The following RIPOR3 variants were observed in gnomAD, a reference collection of about 807,000 sequenced individuals.
RIPOR3 encodes family with sequence similarity 65 member C.
Under a neutral mutation model 114.3 loss-of-function variants are expected in RIPOR3, and 95 were observed. That is an observed-to-expected ratio of 0.83 (90% CI 0.70 to 0.99). The LOEUF (loss-of-function observed/expected upper bound fraction) is 0.99, where lower values mean the gene tolerates loss of function less well. Among genes scored for constraint, RIPOR3 ranks in the 50% least tolerant of loss-of-function variants. RIPOR3 has a pLI of 0.00. For synonymous variants in RIPOR3, 575 were observed against 543.8 expected (o/e 1.06, Z -0.80); for missense variants, 1,252 against 1,266.9 (o/e 0.99, Z 0.18).
intron 3 of RIPOR3, among the ~76,000 whole-genome samples, chr20:50,618,050 G>A (rs574713431): frequency 6.6e-6 from 1 of 152,114 alleles, no homozygotes; most frequent in East Asian, 1.9e-4. Flanking sequence ...TGGATCACAA[G>A]GTCAGGAGTT....
intron 3 of RIPOR3, among the ~76,000 whole-genome samples, 197 bp downstream of exon 3, chr20:50,619,789 T>G (rs1373721007): frequency 1.3e-5 from 2 of 152,248 alleles, no homozygotes; most frequent in Admixed American, 6.5e-5. Flanking sequence ...CCTTAGTCAC[T>G]GCCAGGTTTC....
At position 50,602,205 on chromosome 20, in the gene RIPOR3, C is replaced by G; in HGVS notation, c.1526G>C (p.Arg509Thr). The change falls in exon 13 of 22, where the codon AGA (arginine) becomes ACA (threonine). Residue 509 changes from arginine to threonine, a missense_variant. Arg to Thr is a moderately conservative substitution (Grantham distance 71). Coordinates refer to ENST00000327979, the MANE Select transcript of RIPOR3 (RefSeq NM_001290268.2). The surrounding 1 kb of genome is among the most constrained non-coding windows in gnomAD (Gnocchi z 4.3). ...NGHEEGATGD[R>T]EDGPGVALEG... ...GAGGGCCACGCCAGGCCCGTCCTCT[C>G]TGTCCCCGGTTGCCCCTTCCTCGTG... The G allele has an allele frequency of 1.2e-6, 2 of 1,613,738 alleles. No individual in the cohort carries two copies. Among genetic ancestry groups the G allele is most frequent in the Non-Finnish European group, 1.7e-6 (2 of 1,179,934 alleles).
chr20:50,589,084 G>GAAAAAA (rs529410533), intron 20 of RIPOR3, among the ~76,000 whole-genome samples: 36 of 89,524 alleles, frequency 4.0e-4, no homozygotes, highest in African/African-American at 5.5e-4. Flanking sequence ...TCCATCTCAA[G>GAAAAAA]AAAAAAAAAA....
intron 1 of RIPOR3, among the ~76,000 whole-genome samples, chr20:50,658,620 G>C (rs1412526805): frequency 2.6e-5 from 4 of 152,018 alleles, no homozygotes; most frequent in Non-Finnish European, 5.9e-5. Flanking sequence ...TGGGAGGATT[G>C]ATTAGACTCA....
chr20:50,663,778 C>A (rs2086089465), intron 1 of RIPOR3, among the ~76,000 whole-genome samples: 1 of 152,202 alleles, frequency 6.6e-6, no homozygotes, highest in Non-Finnish European at 1.5e-5. Flanking sequence ...TTTGTCCCCC[C>A]ATCCAAGACA....
intron 11 of RIPOR3, among the ~76,000 whole-genome samples, chr20:50,608,009 C>T (rs1185118818): frequency 6.6e-6 from 1 of 152,116 alleles, no homozygotes; most frequent in African/African-American, 2.4e-5. Flanking sequence ...ACCGCTCAGC[C>T]CCAGGCCAAG....
chr20:50,649,887 A>G (rs1456851507), intron 1 of RIPOR3, among the ~76,000 whole-genome samples: 2 of 152,102 alleles, frequency 1.3e-5, no homozygotes, highest in African/African-American at 2.4e-5. Flanking sequence ...GGGTCAAAAG[A>G]TCTGGGCTCC....
At chr20:50,611,015 C>A in intron 5 of RIPOR3, 109 bp from the exon 6 acceptor site, 1 of 274,026 alleles carries the variant, frequency 3.6e-6, no homozygotes, top group South Asian at 8.6e-5. Flanking sequence ...TGGGGCCCCT[C>A]ACCATCCCTG....
chr20:50,609,000 C>T (rs1049071693), intron 8 of RIPOR3, 45 bp from the exon 9 acceptor site: 46 of 1,555,208 alleles, frequency 3.0e-5, no homozygotes, highest in Non-Finnish European at 3.9e-5. Flanking sequence ...TTCCACTCTC[C>T]CTGACCTGGG....
intron 1 of RIPOR3, among the ~76,000 whole-genome samples, chr20:50,670,898 A>C (rs2086454364): frequency 6.6e-6 from 1 of 152,054 alleles, no homozygotes; most frequent in South Asian, 2.1e-4. Flanking sequence ...TCCTGGCCTG[A>C]GTGTGGGTGG....
chr20:50,626,186 C>T (rs2084612478), intron 2 of RIPOR3, among the ~76,000 whole-genome samples: 1 of 152,374 alleles, frequency 6.6e-6, no homozygotes, highest in Middle Eastern at 3.4e-3. Context: ...CCAGGGAGCT[C>T]GACGGAGACA....
intron 1 of RIPOR3, among the ~76,000 whole-genome samples, chr20:50,672,414 C>G (rs537104436): frequency 6.6e-6 from 1 of 152,194 alleles, no homozygotes; most frequent in Non-Finnish European, 1.5e-5. Context: ...TGCCCTCCAC[C>G]CAGCAACCCC....
chr20:50,650,890 T>C (rs2085578477), intron 1 of RIPOR3, among the ~76,000 whole-genome samples: 1 of 152,152 alleles, frequency 6.6e-6, no homozygotes, highest in Non-Finnish European at 1.5e-5. Flanking sequence ...CTGACTGCCA[T>C]GGTTACCTTA....
chr20:50,593,692 A>C (rs973295303), intron 17 of RIPOR3, among the ~76,000 whole-genome samples: 2 of 152,100 alleles, frequency 1.3e-5, no homozygotes, highest in Admixed American at 1.3e-4. Flanking sequence ...ACCCTGAGTC[A>C]GACCGTGTTG....
At chr20:50,622,266 C>G (rs1360189005) in intron 2 of RIPOR3, among the ~76,000 whole-genome samples, 1 of 151,710 alleles carries the variant, frequency 6.6e-6, no homozygotes, top group Non-Finnish European at 1.5e-5. Flanking sequence ...ACTGCAACCT[C>G]CACCTCCTGG....
intron 3 of RIPOR3, among the ~76,000 whole-genome samples, chr20:50,618,270 CAAAAAAAAAAAAAAAA>C (rs61215608): frequency 1.0e-4 from 7 of 67,390 alleles, no homozygotes; most frequent in African/African-American, 1.4e-4. Flanking sequence ...GACTCCGTCT[CAAAAAAAAAAAAAAAA>C]AAAAAAAAAA....
At chr20:50,682,974 G>C (rs549885343) in intron 1 of RIPOR3, among the ~76,000 whole-genome samples, 1 of 152,240 alleles carries the variant, frequency 6.6e-6, no homozygotes, top group Non-Finnish European at 1.5e-5. Context: ...TGATCTGCCC[G>C]CCTTGGCCTC....
intron 13 of RIPOR3, among the ~76,000 whole-genome samples, chr20:50,598,633 T>C (rs920080506): frequency 6.6e-6 from 1 of 152,226 alleles, no homozygotes; most frequent in African/African-American, 2.4e-5. Context: ...TGTAGACTGC[T>C]GATTCTCAAT....
intron 1 of RIPOR3, among the ~76,000 whole-genome samples, chr20:50,676,910 A>C (rs898068525): frequency 2.0e-5 from 3 of 151,394 alleles, no homozygotes; most frequent in Non-Finnish European, 4.4e-5. Flanking sequence ...CAGCCCAGAT[A>C]CTGGGCCCTG....
Sources: gnomAD v4.1 joint callset for allele counts (sites outside exome capture counted in the v4.1 genomes callset) on GRCh38, gnomAD v4.1.1 for gene constraint, Gnocchi (gnomAD v3.1) non-coding constraint, MANE v1.5 for transcripts, NCBI Gene and HGNC (gene_info 2026-07-23, HGNC 2026-07-21) for gene names.